The following POLN variants were observed in gnomAD, a reference collection of about 807,000 sequenced individuals.
POLN encodes DNA polymerase nu.
In POLN, 108 loss-of-function variants were observed where a neutral mutation model predicts 113.5. The ratio of observed to expected loss-of-function variants is 0.95; its 90% CI spans 0.81 to 1.12. POLN has a LOEUF of 1.12. Among genes scored for constraint, POLN ranks in the 50% most tolerant of loss-of-function variants. The pLI is 0.00. For missense variants in POLN, 1,097 were observed against 1,077.1 expected, an observed-to-expected ratio of 1.02 and a Z score of -0.26; for synonymous variants, 386 against 391.5, an observed-to-expected ratio of 0.99 and a Z score of 0.17.
intron 16 of POLN, among the ~76,000 whole-genome samples, chr4:2,144,559 C>G (rs1732086715): frequency 6.6e-6 from 1 of 152,116 alleles, no homozygotes; most frequent in Non-Finnish European, 1.5e-5. Context: ...AAACACATAA[C>G]CTACAAATAA....
intron 16 of POLN, chr4:2,140,107 C>G (rs1163627083): frequency 6.6e-6 from 1 of 151,994 alleles, no homozygotes; most frequent in Non-Finnish European, 1.5e-5. Flanking sequence ...GAGACAGAGT[C>G]TCACTCTGTC....
intron 13 of POLN, among the ~76,000 whole-genome samples, chr4:2,161,123 C>T (rs1278709451): frequency 6.6e-6 from 1 of 152,226 alleles, no homozygotes; most frequent in African/African-American, 2.4e-5. Flanking sequence ...CCTCACAGCC[C>T]TCCCTCGCTC....
chr4:2,118,672 G>C (rs1206094714), intron 19 of POLN, among the ~76,000 whole-genome samples: 1 of 152,204 alleles, frequency 6.6e-6, no homozygotes, highest in Non-Finnish European at 1.5e-5. Context: ...TGAAGCCAGT[G>C]CCACACATTT....
At chr4:2,162,610 C>T (rs879373873) in intron 13 of POLN, among the ~76,000 whole-genome samples, 3 of 152,114 alleles carry the variant, frequency 2.0e-5, no homozygotes, top group Non-Finnish European at 4.4e-5. Context: ...GTGCATGCCA[C>T]CATGCCCAGC....
intron 19 of POLN, among the ~76,000 whole-genome samples, chr4:2,123,639 A>G (rs959160146): frequency 7.3e-5 from 11 of 150,532 alleles, no homozygotes; most frequent in African/African-American, 1.2e-4. Flanking sequence ...AAAAAAAAAA[A>G]AAAAAAGAAA....
chr4:2,146,997 A>C (rs1208708612), intron 16 of POLN, among the ~76,000 whole-genome samples: 1 of 152,236 alleles, frequency 6.6e-6, no homozygotes, highest in African/African-American at 2.4e-5. Flanking sequence ...AGACTCACCA[A>C]CCAAGAAACC....
chr4:2,163,426 CCG>C (rs1293530887), intron 13 of POLN, among the ~76,000 whole-genome samples: 1 of 152,248 alleles, frequency 6.6e-6, no homozygotes, highest in East Asian at 1.9e-4. Flanking sequence ...CTCGCACTAA[CCG>C]TGTACAGAGC....
At chr4:2,212,209 G>A (rs917524966) in intron 4 of POLN, among the ~76,000 whole-genome samples, 3 of 152,060 alleles carry the variant, frequency 2.0e-5, no homozygotes, top group Non-Finnish European at 2.9e-5. Context: ...TTGGTGATAC[G>A]ACCTCTCTGG....
chr4:2,080,887 AG>A, intron 23 of POLN, 70 bp downstream of exon 23: 1 of 1,609,438 alleles, frequency 6.2e-7, no homozygotes, highest in Non-Finnish European at 8.5e-7. Context: ...CAGAATCACG[AG>A]CCCCGAGGGG....
intron 10 of POLN, 27 bp from the exon 11 acceptor site, chr4:2,174,046 A>G: frequency 1.2e-6 from 2 of 1,609,472 alleles, no homozygotes; most frequent in South Asian, 1.1e-5. Flanking sequence ...AAACCAGATC[A>G]TATTTGCATT....
Position 2,157,854 on chromosome 4 carries a change from T to C in POLN, c.1665+4A>G. The C allele has an allele frequency of 6.2e-7, 1 of 1,600,826 alleles. No homozygotes were observed. Among genetic ancestry groups the C allele is most frequent in the Non-Finnish European group, 8.6e-7 (1 of 1,168,762 alleles). On this transcript the variant is annotated splice_donor_region_variant and intron_variant, in intron 15 of 25. Coordinates refer to ENST00000511885, the MANE Select transcript of POLN (RefSeq NM_181808.4). The stretch of plus-strand genomic sequence containing the variant: ...TCACAGTATCTTTTTGTAAAGCTTG[T>C]TACCTTTTTCATGCAAGCTAGTAAT...
At chr4:2,144,632 T>C (rs1196583469) in intron 16 of POLN, among the ~76,000 whole-genome samples, 1 of 152,156 alleles carries the variant, frequency 6.6e-6, no homozygotes, top group Non-Finnish European at 1.5e-5. Context: ...ATATAGGCTG[T>C]AAGAATGAAT....
chr4:2,128,674 C>T (rs368647814), intron 18 of POLN, among the ~76,000 whole-genome samples: 2 of 42,144 alleles, frequency 4.7e-5, no homozygotes, highest in Non-Finnish European at 1.6e-4. Flanking sequence ...AGCACGGGGG[C>T]AGGGCCAAAG....
At chr4:2,135,296 T>A (rs1422461860) in intron 16 of POLN, among the ~76,000 whole-genome samples, 1 of 151,836 alleles carries the variant, frequency 6.6e-6, no homozygotes, top group Non-Finnish European at 1.5e-5. Context: ...CAGAACCACA[T>A]GTGTTTCTTC....
intron 16 of POLN, among the ~76,000 whole-genome samples, chr4:2,151,013 T>C (rs1732282409): frequency 6.6e-6 from 1 of 152,194 alleles, no homozygotes; most frequent in African/African-American, 2.4e-5. Context: ...CTTCAAAAGA[T>C]GGTGTCAAAA....
intron 19 of POLN, among the ~76,000 whole-genome samples, chr4:2,116,340 A>C (rs80248368): frequency 0.024 from 3,604 of 152,216 alleles, 99 homozygotes; most frequent in East Asian, 0.13. Flanking sequence ...CTCCTTCCCT[A>C]GGCATGAGAA....
intron 19 of POLN, among the ~76,000 whole-genome samples, chr4:2,115,585 T>G (rs1731298248): frequency 6.6e-6 from 1 of 152,214 alleles, no homozygotes. Flanking sequence ...CTTACTCTCT[T>G]GGTCACAGTC....
intron 2 of POLN, chr4:2,238,933 T>C: frequency 1.2e-6 from 2 of 1,610,384 alleles, no homozygotes; most frequent in South Asian, 2.2e-5. Context: ...CATTCTCTCT[T>C]ACCACAGCAG....
chr4:2,210,880 C>T (rs1733976652), intron 4 of POLN, among the ~76,000 whole-genome samples: 1 of 148,970 alleles, frequency 6.7e-6, no homozygotes, highest in African/African-American at 2.5e-5. Context: ...GAGATCGCGC[C>T]ACTGCACTCC....
Sources: allele counts gnomAD v4.1 joint callset (sites outside exome capture counted in the v4.1 genomes callset), GRCh38; gene constraint gnomAD v4.1.1; transcripts MANE v1.5; gene names NCBI Gene and HGNC (gene_info 2026-07-23, HGNC 2026-07-21).